Variants in ATXN1 observed in about 807,000 individuals in gnomAD.
The protein encoded by ATXN1 is ataxin-1.
Under a neutral mutation model 56.4 loss-of-function variants are expected in ATXN1, and 8 were observed. That is an observed-to-expected ratio of 0.14 (90% CI 0.08 to 0.26). The LOEUF (loss-of-function observed/expected upper bound fraction) is 0.26. ATXN1 is among the 10% of genes least tolerant of loss of function. ATXN1 has a pLI of 1.00. For synonymous variants in ATXN1, 514 were observed against 494.6 expected, an observed-to-expected ratio of 1.04 and a Z score of -0.52; for missense variants, 987 against 1,106.5, an observed-to-expected ratio of 0.89 and a Z score of 1.53.
intron 7 of ATXN1, among the ~76,000 whole-genome samples, chr6:16,314,468 C>A (rs758688708): frequency 6.6e-6 from 1 of 152,074 alleles, no homozygotes; most frequent in East Asian, 1.9e-4. Flanking sequence ...TCAATGCCAG[C>A]GGGGACTGGT....
chr6:16,627,918 A>G (rs1160550172), intron 3 of ATXN1, among the ~76,000 whole-genome samples: 1 of 152,188 alleles, frequency 6.6e-6, no homozygotes, highest in Non-Finnish European at 1.5e-5. Context: ...ACATTGTATA[A>G]TTTTCATCTA....
intron 3 of ATXN1, among the ~76,000 whole-genome samples, chr6:16,626,967 A>C (rs1291963188): frequency 6.6e-6 from 1 of 152,222 alleles, no homozygotes; most frequent in Non-Finnish European, 1.5e-5. Context: ...AATCATAAGA[A>C]AATAAGTTTG....
intron 4 of ATXN1, among the ~76,000 whole-genome samples, chr6:16,539,963 G>A (rs1199255511): frequency 3.3e-5 from 5 of 152,166 alleles, no homozygotes; most frequent in African/African-American, 7.2e-5. Flanking sequence ...CTCAAAAAAA[G>A]GAGAAAAGGA....
At chr6:16,393,570 T>G (rs1246986052) in intron 6 of ATXN1, among the ~76,000 whole-genome samples, 1 of 152,232 alleles carries the variant, frequency 6.6e-6, no homozygotes, top group Non-Finnish European at 1.5e-5. Flanking sequence ...TGTGACTCTA[T>G]CTCTACATTA....
In ATXN1 at chr6:16,455,315, T is replaced by A. The variant is rs183753059; in HGVS notation, c.-161+30657A>T. Among the ~76,000 whole-genome samples the A allele has an allele frequency of 4.6e-5, 7 of 152,232 alleles. No individual in the cohort carries two copies. The East Asian group carries it at 1.3e-3, about 29-fold the overall frequency. ...GACATAGAGATGGCAAGTAAGCACA[T>A]AAAAAGATGCTCCACATTATGAATC... On this transcript the variant is annotated intron_variant, in intron 6 of 7. Coordinates refer to ENST00000436367, the MANE Select transcript of ATXN1 (RefSeq NM_001128164.2).
At chr6:16,472,686 C>A (rs1262363743) in intron 6 of ATXN1, among the ~76,000 whole-genome samples, 2 of 152,200 alleles carry the variant, frequency 1.3e-5, no homozygotes, top group Non-Finnish European at 2.9e-5. Context: ...TGCCATGGTT[C>A]TCAGCAGCAA....
intron 6 of ATXN1, among the ~76,000 whole-genome samples, chr6:16,484,306 C>T (rs1038221336): frequency 6.6e-5 from 10 of 152,038 alleles, no homozygotes; most frequent in African/African-American, 2.4e-4. Context: ...TGGTGGTGTG[C>T]ACCTGTGGTC....
rs375900663 is a variant in ATXN1 at position 16,326,970 on chromosome 6, T to C, written c.1341A>G (p.Gly447=). Residue 447 remains glycine (G), a synonymous_variant, in exon 7 of 8, where the codon GGA becomes GGG. Transcript: ENST00000436367. The surrounding 1 kb of genome is among the most constrained non-coding windows in gnomAD (Gnocchi z 6.6). ...THSASEPLPV[G]LPATAFYAGT... ...CTGCGTAGAAGGCCGTGGCTGGCAG[T>C]CCCACCGGGAGTGGCTCTGAAGCAC... 7 of 1,613,920 alleles carry C rather than the reference T, an allele frequency of 4.3e-6. No individual in the cohort carries two copies. The highest frequency in any genetic ancestry group is 4.0e-5 in the African/African-American group (3 of 74,868).
At chr6:16,554,968 C>G (rs1406279427) in intron 4 of ATXN1, among the ~76,000 whole-genome samples, 5 of 152,168 alleles carry the variant, frequency 3.3e-5, no homozygotes, top group Admixed American at 3.3e-4. Flanking sequence ...CTCAATCCCA[C>G]GCTGGCTCAT....
At chr6:16,550,380 G>T (rs1053173976) in intron 4 of ATXN1, among the ~76,000 whole-genome samples, 9 of 152,148 alleles carry the variant, frequency 5.9e-5, no homozygotes, top group African/African-American at 2.2e-4. Context: ...GCCCACACTT[G>T]TTCCTTCTTC....
rs755350712 is a variant in ATXN1, at chr6:16,305,024, G to A, written c.*1305C>T. The A allele has an allele frequency of 1.3e-5, 2 of 152,522 alleles. No individual in the cohort carries two copies. Among genetic ancestry groups the A allele is most frequent in the Admixed American group, 6.5e-5 (1 of 15,268 alleles). 9.4% of individuals were successfully genotyped at this position (152,522 alleles called of 1,614,324 possible). On this transcript the variant is annotated 3_prime_UTR_variant, in exon 8 of 8. Coordinates refer to ENST00000436367, the MANE Select transcript of ATXN1 (RefSeq NM_001128164.2). ...CACATTCATCCCTTTAAACCACATTGAAACTTTCAATATCTTGCTCTTCAG... is the reference window on the plus strand; with the variant it reads ...CACATTCATCCCTTTAAACCACATTAAAACTTTCAATATCTTGCTCTTCAG...
At chr6:16,741,851 T>A (rs1760350681) in intron 2 of ATXN1, among the ~76,000 whole-genome samples, 1 of 152,256 alleles carries the variant, frequency 6.6e-6, no homozygotes, top group African/African-American at 2.4e-5. Flanking sequence ...AAAGTAGTCT[T>A]CCTCCTTTTA....
At position 16,301,944 on chromosome 6, in the gene ATXN1, A is replaced by AAC. The variant is rs1554135938; in HGVS notation, c.*4384_*4385insGT. 1 of 152,734 alleles carries AAC rather than the reference A, an allele frequency of 6.5e-6. No individual in the cohort carries two copies. The highest frequency in any genetic ancestry group is 1.5e-5 in the Non-Finnish European group (1 of 68,056). The allele number at this position is 152,734 out of a possible 1,614,324, so 9.5% of individuals were successfully genotyped here. On this transcript the variant is annotated 3_prime_UTR_variant, in exon 8 of 8. Transcript: ENST00000436367. ...AAGGGTATTGTCAATCGTTTCCTTA[A>AAC]AAAACAAAACAAAACAAAATCCAGA...
At chr6:16,362,430 C>A (rs910701148) in intron 6 of ATXN1, among the ~76,000 whole-genome samples, 1 of 152,184 alleles carries the variant, frequency 6.6e-6, no homozygotes, top group Admixed American at 6.6e-5. Flanking sequence ...TGTCTTCTCA[C>A]GCTCACACTC....
At chr6:16,417,660 G>C (rs1044914911) in intron 6 of ATXN1, among the ~76,000 whole-genome samples, 9 of 151,724 alleles carry the variant, frequency 5.9e-5, no homozygotes, top group African/African-American at 2.2e-4. Context: ...GGATGGTCTC[G>C]ATCTCCTGAC....
chr6:16,582,358 G>A (rs1389764175), intron 4 of ATXN1, among the ~76,000 whole-genome samples: 2 of 152,154 alleles, frequency 1.3e-5, no homozygotes, highest in African/African-American at 4.8e-5. Flanking sequence ...TATCTTCAAT[G>A]CCCAGCCCTA....
In ATXN1 at chr6:16,315,142, G is replaced by A. The variant is rs115141003; in HGVS notation, c.1918-8283C>T. On this transcript the variant is annotated intron_variant, in intron 7 of 7. Coordinates refer to ENST00000436367, the MANE Select transcript of ATXN1 (RefSeq NM_001128164.2). Reference sequence around the variant, plus strand: ...ATGACGTCCACTCAGATGTCGAATGGGCAACTCAAACTTAAAGTGACCTAA... The same window carrying A: ...ATGACGTCCACTCAGATGTCGAATGAGCAACTCAAACTTAAAGTGACCTAA... Among the ~76,000 whole-genome samples the A allele has an allele frequency of 6.3e-3, 958 of 152,096 alleles. 9 individuals are homozygous for A. The highest frequency in any genetic ancestry group is 7.7e-3 in the Non-Finnish European group (521 of 67,972).
chr6:16,513,398 A>C (rs919937046), intron 5 of ATXN1, among the ~76,000 whole-genome samples: 6 of 152,224 alleles, frequency 3.9e-5, no homozygotes, highest in Non-Finnish European at 8.8e-5. Flanking sequence ...GACTAGCAAG[A>C]AAATATGCTT....
chr6:16,739,285 G>T (rs1429154331), intron 2 of ATXN1: 1 of 151,430 alleles, frequency 6.6e-6, no homozygotes, highest in Non-Finnish European at 1.5e-5. Context: ...TTTTGTATCT[G>T]CTTATGTAAA....
Sources: allele counts gnomAD v4.1 joint callset (sites outside exome capture counted in the v4.1 genomes callset), GRCh38; gene constraint gnomAD v4.1.1; non-coding constraint Gnocchi (gnomAD v3.1); transcripts MANE v1.5; gene names NCBI Gene and HGNC (gene_info 2026-07-23, HGNC 2026-07-21).